The following ALG9 variants were observed in gnomAD, a reference collection of about 807,000 sequenced individuals.
ALG9 encodes the protein alpha-1,2-mannosyltransferase ALG9.
In ALG9, 55 loss-of-function variants were observed where a neutral mutation model predicts 81.8. That is an observed-to-expected ratio of 0.67 (90% CI 0.54 to 0.84). The LOEUF is 0.84. Among genes scored for constraint, ALG9 ranks in the 40% least tolerant of loss-of-function variants. The pLI is 0.00. For missense variants in ALG9, 629 were observed against 745.0 expected (o/e 0.84, Z 1.81); for synonymous variants, 278 against 274.3 (o/e 1.01, Z -0.13).
chr11:111,824,464 A>T (rs574811379), intron 13 of ALG9, among the ~76,000 whole-genome samples: 1 of 152,236 alleles, frequency 6.6e-6, no homozygotes, highest in Non-Finnish European at 1.5e-5. Flanking sequence ...ATACATGGAT[A>T]GATATCTTCC....
At chr11:111,861,506 C>CT (rs1447508271) in intron 4 of ALG9, among the ~76,000 whole-genome samples, 1 of 152,202 alleles carries the variant, frequency 6.6e-6, no homozygotes, top group Non-Finnish European at 1.5e-5. Context: ...GTCATACTCT[C>CT]TGTCGCTCAG....
chr11:111,813,252 A>T (rs1454612317), intron 13 of ALG9, among the ~76,000 whole-genome samples: 1 of 152,246 alleles, frequency 6.6e-6, no homozygotes, highest in African/African-American at 2.4e-5. Flanking sequence ...CATTAATTAT[A>T]AAAAAGAATG....
intron 13 of ALG9, among the ~76,000 whole-genome samples, chr11:111,827,156 T>G (rs1555109267): frequency 6.6e-6 from 1 of 152,178 alleles, no homozygotes; most frequent in Non-Finnish European, 1.5e-5. Context: ...AATTCTGCCT[T>G]TTTTTCTTAT....
rs183166176 is a variant in ALG9 at position 111,805,007 on chromosome 11, G to A, written c.1733+4636C>T. On this transcript the variant is annotated intron_variant, in intron 14 of 14. Transcript: ENST00000616540. ...TATGTCCACACAAAAACCTGCACAG[G>A]GATGTTTATAGCAGCTTTATTAATA... The A allele has an allele frequency of 5.2e-4, 134 of 256,256 alleles. 1 individual carries two copies. In the Admixed American group the frequency reaches 6.4e-3, roughly 12 times the overall value. 15.9% of individuals were successfully genotyped at this position (256,256 alleles called of 1,614,324 possible). A position where few individuals can be genotyped will look rare whatever the true frequency, so the allele number is the denominator to read the frequency against.
At chr11:111,840,624 T>C in intron 10 of ALG9, 31 bp downstream of exon 10, 1 of 1,613,502 alleles carries the variant, frequency 6.2e-7, no homozygotes, top group Non-Finnish European at 8.5e-7. Context: ...TAAAAAAGAA[T>C]GAGGCAGATA....
chr11:111,816,224 G>T (rs973485248), intron 13 of ALG9, among the ~76,000 whole-genome samples: 1 of 152,172 alleles, frequency 6.6e-6, no homozygotes, highest in Non-Finnish European at 1.5e-5. Context: ...AAGCAAAAAA[G>T]GAATCTTCTA....
intron 3 of ALG9, among the ~76,000 whole-genome samples, chr11:111,865,783 T>C (rs1237641051): frequency 6.6e-6 from 1 of 152,166 alleles, no homozygotes; most frequent in East Asian, 1.9e-4. Flanking sequence ...AGAAATGTAA[T>C]AAAATGGTAA....
the ALG9 span, among the ~76,000 whole-genome samples, chr11:111,774,777 T>C: frequency 1.3e-5 from 2 of 152,224 alleles, no homozygotes; most frequent in African/African-American, 4.8e-5. Flanking sequence ...TTTACCATAC[T>C]ACAGACTGTG....
intron 14 of ALG9, among the ~76,000 whole-genome samples, chr11:111,793,555 A>G (rs1168276881): frequency 6.6e-6 from 1 of 152,102 alleles, no homozygotes; most frequent in African/African-American, 2.4e-5. Flanking sequence ...AGGTCAGGAG[A>G]GCAAGACCAT....
chr11:111,781,087 G>A (rs1360247997), downstream of ALG9, among the ~76,000 whole-genome samples: 1 of 152,170 alleles, frequency 6.6e-6, no homozygotes, highest in Non-Finnish European at 1.5e-5. Context: ...CTAGACAAGG[G>A]AAAATAAATT....
chr11:111,813,428 C>T lies in ALG9; in HGVS notation c.1603-3655G>A, dbSNP rs1484392567. 4.6e-5 allele frequency among the ~76,000 whole-genome samples: 7 copies of T among 152,152 alleles called. No homozygotes were observed. The East Asian group carries it at 1.3e-3, about 29-fold the overall frequency. ...ATCAGCCTGAGCAAAATAGTGAGAT[C>T]CCATCTCTACAAAAAATAAAAAAAT... On this transcript the variant is annotated intron_variant, in intron 13 of 14. Coordinates refer to ENST00000616540, the MANE Select transcript of ALG9 (RefSeq NM_024740.2).
chr11:111,820,940 A>ACACC (rs1952248253), intron 13 of ALG9, among the ~76,000 whole-genome samples: 1 of 150,842 alleles, frequency 6.6e-6, no homozygotes, highest in Non-Finnish European at 1.5e-5. Context: ...ACACACACAC[A>ACACC]CACACACAAG....
At position 111,786,375 on chromosome 11, in the gene ALG9, C is replaced by T. The variant is rs950034435; in HGVS notation, c.*22G>A. On this transcript the variant is annotated 3_prime_UTR_variant, in exon 15 of 15. Transcript: ENST00000616540. ...ATCAATAGTTAACAAGATGGTTGTC[C>T]TTTGGGGCCACAGGTGTGTTGCTAA... 2.5e-5 allele frequency: 40 copies of T among 1,613,438 alleles called. No homozygotes were observed. Among genetic ancestry groups the T allele is most frequent in the African/African-American group, 4.0e-5 (3 of 74,862 alleles).
chr11:111,800,893 T>C (rs1447796606), intron 14 of ALG9, among the ~76,000 whole-genome samples: 1 of 152,140 alleles, frequency 6.6e-6, no homozygotes, highest in Admixed American at 6.5e-5. Context: ...GAACAAATGA[T>C]CTGAGAAAAA....
intron 13 of ALG9, among the ~76,000 whole-genome samples, chr11:111,827,774 C>CA (rs1313570429): frequency 6.8e-6 from 1 of 146,162 alleles, no homozygotes; most frequent in Non-Finnish European, 1.5e-5. Context: ...AGCTGAGGCA[C>CA]AAAAATCCCT....
chr11:111,825,653 C>T (rs1007086687), intron 13 of ALG9, among the ~76,000 whole-genome samples: 2 of 152,210 alleles, frequency 1.3e-5, no homozygotes, highest in Admixed American at 6.5e-5. Context: ...CACATTATGG[C>T]ACTCAGTACA....
intron 8 of ALG9, among the ~76,000 whole-genome samples, chr11:111,852,502 C>T (rs1957984113): frequency 6.6e-6 from 1 of 152,156 alleles, no homozygotes; most frequent in Non-Finnish European, 1.5e-5. Flanking sequence ...GTCAACTTCC[C>T]CACCCTCCCA....
At position 111,870,607 on chromosome 11, in the gene ALG9, T is replaced by G. The variant is rs76108478; in HGVS notation, c.132-237A>C. ...TCTTGCTATGTTGCCCAGGCTGGAC[T>G]TAAACTCCTAGGCTCAAGTAATCCT... On this transcript the variant is annotated intron_variant, in intron 1 of 14. Coordinates refer to ENST00000616540, the MANE Select transcript of ALG9 (RefSeq NM_024740.2). 5.9e-3 allele frequency among the ~76,000 whole-genome samples: 900 copies of G among 152,280 alleles called. 7 individuals carry two copies. Among genetic ancestry groups the G allele is most frequent in the African/African-American group, 0.02 (840 of 41,566 alleles).
At position 111,871,411 on chromosome 11, in the gene ALG9, C is replaced by T. The variant is rs1555158899; in HGVS notation, c.72G>A (p.Ala24=). Residue 24 remains alanine, a synonymous_variant, in exon 1 of 15, where the codon GCG becomes GCA. Transcript: ENST00000616540. ...TGCCCAGCAGCTCCCGCAGCTTGTC[C>T]GCAGCCGGGGCCGTATCCCCACTGC... The part of the protein sequence containing the change: ...GASSGDTAPA[A]DKLRELLGSR... 3 of 1,535,418 alleles carry T rather than the reference C, an allele frequency of 2.0e-6. No individual in the cohort carries two copies. The highest frequency in any genetic ancestry group is 1.8e-4 in the Middle Eastern group (1 of 5,614).
Sources: allele counts gnomAD v4.1 joint callset (sites outside exome capture counted in the v4.1 genomes callset), GRCh38; gene constraint gnomAD v4.1.1; transcripts MANE v1.5; gene names NCBI Gene and HGNC (gene_info 2026-07-23, HGNC 2026-07-21).